The following TYW1B variants were observed in gnomAD, a reference collection of about 807,000 sequenced individuals.
TYW1B encodes tRNA-yW synthesizing protein 1 homolog B.
A neutral mutation model predicts 86.9 loss-of-function variants in TYW1B; 73 were observed. The ratio of observed to expected loss-of-function variants is 0.84; its 90% CI spans 0.70 to 1.02. The LOEUF (loss-of-function observed/expected upper bound fraction) is 1.02, where lower values mean the gene tolerates loss of function less well. Ranked by LOEUF, TYW1B falls within the 50% of genes least tolerant of loss-of-function variation. The pLI is 0.00. For synonymous variants in TYW1B, 248 were observed against 292.8 expected, an observed-to-expected ratio of 0.85 and a Z score of 1.56; for missense variants, 637 against 827.4, an observed-to-expected ratio of 0.77 and a Z score of 2.82.
At position 72,592,160 on chromosome 7, in the gene TYW1B, TAAAAAA is replaced by T. The variant is rs56146824; in HGVS notation, c.1786-16447_1786-16442del. On this transcript the variant is annotated intron_variant, in intron 13 of 13. Transcript: ENST00000620995. The stretch of plus-strand genomic sequence containing the variant: ...TTTCTATGTTAACACACTAATGTGT[TAAAAAA>T]AAAAAAAAAAAAAAAAAAAGACAAG... Among the ~76,000 whole-genome samples the T allele has an allele frequency of 7.3e-3, 751 of 103,372 alleles. 7 individuals carry two copies. The highest frequency in any genetic ancestry group is 0.019 in the African/African-American group (451 of 24,262). The allele number at this position is 103,372 out of a possible 152,430, so 67.8% of individuals were successfully genotyped here.
chr7:72,641,207 C>T (rs1465717445), intron 11 of TYW1B, among the ~76,000 whole-genome samples: 1 of 151,880 alleles, frequency 6.6e-6, no homozygotes, highest in Non-Finnish European at 1.5e-5. Context: ...AAAAATGACT[C>T]AAGGAGAAAT....
At chr7:72,636,165 A>G (rs1389604242) in intron 11 of TYW1B, among the ~76,000 whole-genome samples, 7 of 152,206 alleles carry the variant, frequency 4.6e-5, no homozygotes, top group African/African-American at 1.7e-4. Context: ...CCATAGATTT[A>G]TTCCTAGGTA....
In TYW1B at chr7:72,625,248, G is replaced by A. The variant is rs1186273605; in HGVS notation, c.1617+3639C>T. 2.0e-5 allele frequency among the ~76,000 whole-genome samples: 3 copies of A among 152,174 alleles called. No individual in the cohort carries two copies. The South Asian group carries it at 6.2e-4, about 32-fold the overall frequency. ...GCTTTAACAAGGCCTATCACATGGAGAGAGCTCAAAAATATTGTTGAATGC... is the reference window on the plus strand; with the variant it reads ...GCTTTAACAAGGCCTATCACATGGAAAGAGCTCAAAAATATTGTTGAATGC... On this transcript the variant is annotated intron_variant, in intron 12 of 13. Coordinates refer to ENST00000620995, the MANE Select transcript of TYW1B (RefSeq NM_001145440.3).
intron 11 of TYW1B, among the ~76,000 whole-genome samples, chr7:72,649,383 C>T (rs1217581540): frequency 1.3e-5 from 2 of 152,126 alleles, no homozygotes; most frequent in Non-Finnish European, 2.9e-5. Flanking sequence ...AAGAGAGGTG[C>T]CCTATCTACA....
chr7:72,699,872 ACTC>A (rs1585912452), intron 10 of TYW1B, among the ~76,000 whole-genome samples: 1 of 151,452 alleles, frequency 6.6e-6, no homozygotes. Context: ...CTGGTCTTAA[ACTC>A]TTGGCCTCAG....
intron 4 of TYW1B, among the ~76,000 whole-genome samples, chr7:72,809,027 T>G (rs1465083837): frequency 3.4e-5 from 5 of 148,952 alleles, no homozygotes; most frequent in African/African-American, 1.2e-4. Flanking sequence ...TCCATTTCCC[T>G]TGAAAAATTC....
At chr7:72,642,448 A>T (rs1209823186) in intron 11 of TYW1B, among the ~76,000 whole-genome samples, 1 of 152,246 alleles carries the variant, frequency 6.6e-6, no homozygotes, top group Non-Finnish European at 1.5e-5. Context: ...CGTAAGTGTG[A>T]ACTGAAACAT....
rs1435139626 is a variant in TYW1B at position 72,764,980 on chromosome 7, G to A, written c.964+12436C>T. Among the ~76,000 whole-genome samples the A allele has an allele frequency of 2.6e-5, 4 of 152,060 alleles. No homozygotes were observed. In the East Asian group the frequency reaches 5.8e-4, roughly 22 times the overall value. ...TGGATTCCTCCCAAAATTCACAAAC[G>A]TTACTATTCTTATTTTTATTTATAT... On this transcript the variant is annotated intron_variant, in intron 7 of 13. Coordinates refer to ENST00000620995, the MANE Select transcript of TYW1B (RefSeq NM_001145440.3).
intron 2 of TYW1B, among the ~76,000 whole-genome samples, chr7:72,819,891 T>C (rs144744890): frequency 0.02 from 2,970 of 152,230 alleles, 43 homozygotes; most frequent in Middle Eastern, 0.099. Context: ...GTCAGCTACA[T>C]AGGGAATCCC....
At chr7:72,784,247 T>C (rs1788092649) in intron 6 of TYW1B, among the ~76,000 whole-genome samples, 2 of 152,034 alleles carry the variant, frequency 1.3e-5, no homozygotes, top group African/African-American at 4.8e-5. Context: ...TGACTCATGG[T>C]TCTCTAAACA....
intron 11 of TYW1B, among the ~76,000 whole-genome samples, chr7:72,653,908 T>C (rs1424370266): frequency 6.6e-6 from 1 of 151,892 alleles, no homozygotes; most frequent in Non-Finnish European, 1.5e-5. Context: ...AGCTGAACCC[T>C]GTCTCTATTA....
chr7:72,686,982 A>C (rs1459833832), intron 11 of TYW1B, among the ~76,000 whole-genome samples: 1 of 152,214 alleles, frequency 6.6e-6, no homozygotes, highest in Non-Finnish European at 1.5e-5. Flanking sequence ...AACATTTCTG[A>C]AAGAGGAAAA....
chr7:72,819,002 TGCA>T (rs1788778866), intron 2 of TYW1B, among the ~76,000 whole-genome samples: 1 of 152,160 alleles, frequency 6.6e-6, no homozygotes, highest in Admixed American at 6.6e-5. Context: ...ATTACCCAGC[TGCA>T]GGTATTCCTT....
chr7:72,659,382 C>G (rs1554444145), intron 11 of TYW1B, among the ~76,000 whole-genome samples: 1 of 152,096 alleles, frequency 6.6e-6, no homozygotes, highest in African/African-American at 2.4e-5. Flanking sequence ...AGTTCAAGAC[C>G]AAACTGGCTA....
At position 72,814,702 on chromosome 7, in the gene TYW1B, C is replaced by T. The variant is rs187513246; in HGVS notation, c.237+678G>A. Among the ~76,000 whole-genome samples, 147 of 152,072 alleles carry T rather than the reference C, an allele frequency of 9.7e-4. 1 individual carries two copies. The highest frequency in any genetic ancestry group is 3.4e-3 in the Middle Eastern group (1 of 292). ...ACTTGAGCCCGGGAGGTTGAAATTG[C>T]ACCACTGCACTCCAGAGCCTGGGTG... On this transcript the variant is annotated intron_variant, in intron 3 of 13. Coordinates refer to ENST00000620995, the MANE Select transcript of TYW1B (RefSeq NM_001145440.3).
chr7:72,777,407 G>C lies in TYW1B; in HGVS notation c.964+9C>G, dbSNP rs144744733. ...TAGTCATATAACAACAATTCTTGAA[G>C]ATTTTCACCTTGTTTAGTAAGGGCT... On this transcript the variant is annotated intron_variant, in intron 7 of 13. Transcript: ENST00000620995. 3.1e-3 allele frequency: 4,968 copies of C among 1,612,518 alleles called. 122 individuals carry two copies. In the African/African-American group the frequency reaches 0.052, roughly 17 times the overall value.
chr7:72,749,790 G>A (rs1373606254), intron 7 of TYW1B, among the ~76,000 whole-genome samples: 1 of 147,406 alleles, frequency 6.8e-6, no homozygotes, highest in Non-Finnish European at 1.5e-5. Flanking sequence ...GCTGATTTGA[G>A]ACCTTTCCTC....
chr7:72,685,151 T>C (rs1374597777), intron 11 of TYW1B, among the ~76,000 whole-genome samples: 1 of 149,958 alleles, frequency 6.7e-6, no homozygotes, highest in Non-Finnish European at 1.5e-5. Context: ...TTTGTTATCA[T>C]AAAGTACTTG....
Position 72,617,926 on chromosome 7 carries a change from T to C in TYW1B, c.1618-1087A>G, listed in dbSNP as rs554512467. The stretch of plus-strand genomic sequence containing the variant: ...ATAACTAAGTTCTTTATTTGGTAAA[T>C]TACATAATGGTAAAATGATTAATTT... On this transcript the variant is annotated intron_variant, in intron 12 of 13. Coordinates refer to ENST00000620995, the MANE Select transcript of TYW1B (RefSeq NM_001145440.3). 3.1e-3 allele frequency among the ~76,000 whole-genome samples: 472 copies of C among 152,240 alleles called. 3 individuals carry two copies. Among genetic ancestry groups the C allele is most frequent in the Non-Finnish European group, 5.6e-3 (384 of 68,008 alleles).
Sources: gnomAD v4.1 joint callset for allele counts (sites outside exome capture counted in the v4.1 genomes callset) on GRCh38, gnomAD v4.1.1 for gene constraint, MANE v1.5 for transcripts, NCBI Gene and HGNC (gene_info 2026-07-23, HGNC 2026-07-21) for gene names.